The following CBFA2T2 variants were observed in gnomAD, a reference collection of about 807,000 sequenced individuals.
The protein encoded by CBFA2T2 is CBFA2/RUNX1 partner transcriptional co-repressor 2, also known as protein CBFA2T2.
A neutral mutation model predicts 62.2 loss-of-function variants in CBFA2T2; 11 were observed. That is an observed-to-expected ratio of 0.18 (90% CI 0.11 to 0.29). CBFA2T2 has a LOEUF of 0.29. CBFA2T2 is among the 10% of genes least tolerant of loss of function. The pLI is 1.00. For missense variants in CBFA2T2, 592 were observed against 774.1 expected (o/e 0.76, Z 2.79); for synonymous variants, 295 against 287.5 (o/e 1.03, Z -0.27).
At chr20:33,571,314 C>T (rs1349045565) in intron 1 of CBFA2T2, among the ~76,000 whole-genome samples, 1 of 152,154 alleles carries the variant, frequency 6.6e-6, no homozygotes, top group Non-Finnish European at 1.5e-5. Flanking sequence ...TCTATTTTCT[C>T]ACATTTTGTA....
chr20:33,501,895 G>A (rs567934944), intron 1 of CBFA2T2, among the ~76,000 whole-genome samples: 1 of 151,716 alleles, frequency 6.6e-6, no homozygotes, highest in African/African-American at 2.4e-5. Context: ...CTGAGTCAGC[G>A]TCACAAAGTG....
chr20:33,513,320 G>A (rs1191710197), intron 1 of CBFA2T2, among the ~76,000 whole-genome samples: 1 of 151,568 alleles, frequency 6.6e-6, no homozygotes, highest in African/African-American at 2.4e-5. Context: ...GAAGAAAACA[G>A]TGCTGCTTTC....
chr20:33,617,330 T>G (rs532457916), intron 3 of CBFA2T2, among the ~76,000 whole-genome samples: 157 of 152,344 alleles, frequency 1.0e-3, no homozygotes, highest in African/African-American at 3.3e-3. Context: ...ATAGCTTAGT[T>G]GCCTCTTTTC....
chr20:33,552,384 T>C (rs964207662), intron 1 of CBFA2T2, among the ~76,000 whole-genome samples: 5 of 152,226 alleles, frequency 3.3e-5, no homozygotes, highest in African/African-American at 1.2e-4. Context: ...TTCTGATTTT[T>C]GACAGATGAG....
Position 33,646,949 on chromosome 20 carries a change from T to C in CBFA2T2, c.*2303T>C, listed in dbSNP as rs1451999844. The C allele has an allele frequency of 1.3e-5, 2 of 152,048 alleles. No homozygotes were observed. Among genetic ancestry groups the C allele is most frequent in the Non-Finnish European group, 2.9e-5 (2 of 68,028 alleles). The allele number at this position is 152,048 out of a possible 1,614,324, so 9.4% of individuals were successfully genotyped here. Reference sequence around the variant, plus strand: ...TTTTCAGTCTTACAAAGAAATCTAGTGCACGACACCTTTAAAATGCCTAGA... The same window carrying C: ...TTTTCAGTCTTACAAAGAAATCTAGCGCACGACACCTTTAAAATGCCTAGA... On this transcript the variant is annotated 3_prime_UTR_variant, in exon 11 of 11. Coordinates refer to ENST00000342704, the MANE Select transcript of CBFA2T2 (RefSeq NM_001032999.3).
intron 10 of CBFA2T2, 38 bp downstream of exon 10, chr20:33,640,569 T>G: frequency 1.3e-6 from 2 of 1,592,836 alleles, no homozygotes; most frequent in Non-Finnish European, 1.7e-6. Context: ...GGTGAGCAGC[T>G]GGAGTGACCA....
At chr20:33,496,487 T>G (rs1393507692) in intron 1 of CBFA2T2, among the ~76,000 whole-genome samples, 1 of 152,214 alleles carries the variant, frequency 6.6e-6, no homozygotes, top group Non-Finnish European at 1.5e-5. Context: ...TTTTTGTAAT[T>G]TTATTTTGCC....
intron 1 of CBFA2T2, among the ~76,000 whole-genome samples, chr20:33,516,375 C>T (rs2011600170): frequency 6.6e-6 from 1 of 152,196 alleles, no homozygotes; most frequent in Admixed American, 6.6e-5. Flanking sequence ...GAGGCTGAGG[C>T]AGGAGAATCC....
chr20:33,492,466 A>C (rs1216302307), intron 1 of CBFA2T2, among the ~76,000 whole-genome samples: 4 of 148,446 alleles, frequency 2.7e-5, no homozygotes, highest in Non-Finnish European at 6.0e-5. Context: ...TTAGTTTAAA[A>C]TATGCCCAAA....
At chr20:33,533,128 A>T (rs2012106239) in intron 1 of CBFA2T2, among the ~76,000 whole-genome samples, 1 of 152,162 alleles carries the variant, frequency 6.6e-6, no homozygotes, top group African/African-American at 2.4e-5. Context: ...TAAAAAAAAA[A>T]TGAGGTTTAA....
intron 2 of CBFA2T2, among the ~76,000 whole-genome samples, chr20:33,610,712 T>C (rs1386287973): frequency 6.6e-6 from 1 of 152,114 alleles, no homozygotes; most frequent in African/African-American, 2.4e-5. Flanking sequence ...GACCTTGAAA[T>C]TGGGAAGGAG....
At chr20:33,605,911 C>T (rs1156632776) in intron 1 of CBFA2T2, among the ~76,000 whole-genome samples, 1 of 151,934 alleles carries the variant, frequency 6.6e-6, no homozygotes, top group Non-Finnish European at 1.5e-5. Context: ...CTCCGCCTCC[C>T]AGGTTCAAGC....
Position 33,628,422 on chromosome 20 carries a change from A to G in CBFA2T2, c.1019A>G (p.Lys340Arg), listed in dbSNP as rs1273707710. Reference sequence around the variant, plus strand: ...GAAAGGGAATGGGCTGATGAATGGAAACATCTTGACCATGTAAGAATCTTG... The same window carrying G: ...GAAAGGGAATGGGCTGATGAATGGAGACATCTTGACCATGTAAGAATCTTG... ...LTEREWADEW[K>R]HLDHALNCIM... Residue 340 changes from lysine (K) to arginine (R), a missense_variant, in exon 7 of 11, where the codon AAA (lysine) becomes AGA (arginine). This residue lies in a region of CBFA2T2 where 449 missense variants were observed against 551.2 expected (regional missense o/e 0.81). Transcript: ENST00000342704. 19 of 1,610,322 alleles carry G rather than the reference A, an allele frequency of 1.2e-5. No homozygotes were observed. The highest frequency in any genetic ancestry group is 1.6e-4 in the Middle Eastern group (1 of 6,076).
At chr20:33,511,148 C>T (rs888274313) in intron 1 of CBFA2T2, among the ~76,000 whole-genome samples, 23 of 152,130 alleles carry the variant, frequency 1.5e-4, no homozygotes, top group African/African-American at 5.6e-4. Flanking sequence ...AATTAGATCC[C>T]ATTTGTCAAT....
chr20:33,526,332 C>T (rs1338620957), intron 1 of CBFA2T2, among the ~76,000 whole-genome samples: 1 of 152,150 alleles, frequency 6.6e-6, no homozygotes, highest in Non-Finnish European at 1.5e-5. Flanking sequence ...AAGGTGTGTA[C>T]TGATGATCTA....
chr20:33,633,193 A>G (rs771626420), intron 8 of CBFA2T2, among the ~76,000 whole-genome samples: 4 of 152,020 alleles, frequency 2.6e-5, no homozygotes, highest in Non-Finnish European at 4.4e-5. Context: ...CAACATGTCA[A>G]AACACTGTCT....
intron 8 of CBFA2T2, among the ~76,000 whole-genome samples, chr20:33,632,549 A>G (rs1180475599): frequency 6.8e-6 from 1 of 147,000 alleles, no homozygotes; most frequent in African/African-American, 2.5e-5. Context: ...GCTCACTGCA[A>G]CCTCTGCGTC....
chr20:33,605,996 T>G (rs2015326734), intron 1 of CBFA2T2, among the ~76,000 whole-genome samples: 2 of 152,074 alleles, frequency 1.3e-5, no homozygotes, highest in African/African-American at 2.4e-5. Context: ...TTTTTATATT[T>G]TTAGTAGAGA....
intron 10 of CBFA2T2, among the ~76,000 whole-genome samples, chr20:33,641,983 C>T (rs560469512): frequency 3.3e-4 from 50 of 152,074 alleles, no homozygotes; most frequent in African/African-American, 9.6e-4. Context: ...CTAAATACCA[C>T]GTGGCTATCA....
Sources: allele counts gnomAD v4.1 joint callset (sites outside exome capture counted in the v4.1 genomes callset), GRCh38; gene constraint gnomAD v4.1.1; regional missense constraint gnomAD v4.1.1; transcripts MANE v1.5; gene names NCBI Gene and HGNC (gene_info 2026-07-23, HGNC 2026-07-21).